Variants in FIBCD1 observed in about 807,000 individuals in gnomAD.
FIBCD1 encodes the protein fibrinogen C domain containing 1.
FIBCD1 carries 47 observed loss-of-function variants against 45.1 expected under a neutral mutation model. The observed-to-expected ratio is 1.04, with a 90% CI of 0.82 to 1.33. The LOEUF (loss-of-function observed/expected upper bound fraction) is 1.33, where lower values mean the gene tolerates loss of function less well. Among genes scored for constraint, FIBCD1 ranks in the 40% most tolerant of loss-of-function variants. The pLI is 0.00. For synonymous variants in FIBCD1, 313 were observed against 308.1 expected, an observed-to-expected ratio of 1.02 and a Z score of -0.17; for missense variants, 653 against 682.2, an observed-to-expected ratio of 0.96 and a Z score of 0.48.
intron 2 of FIBCD1, among the ~76,000 whole-genome samples, chr9:130,925,117 C>G (rs989393999): frequency 2.6e-5 from 4 of 152,164 alleles, no homozygotes; most frequent in African/African-American, 7.2e-5. Context: ...CAAGGCTCCC[C>G]CGTCCCACCC....
At position 130,938,671 on chromosome 9, in the gene FIBCD1, G is replaced by GGTGGGC; in HGVS notation, c.-70_-65dup. 7.9e-6 allele frequency: 9 copies of GGTGGGC among 1,133,252 alleles called. No homozygotes were observed. The highest frequency in any genetic ancestry group is 1.0e-5 in the Non-Finnish European group (9 of 900,524). 70.2% of individuals were successfully genotyped at this position (1,133,252 alleles called of 1,614,324 possible). Reference sequence around the variant, plus strand: ...CCGCTGCGGAGCGCAAAGGAGACGGGGTGGGCGCGGGCGCGGGCGCGGGGC... The same window carrying GGTGGGC: ...CCGCTGCGGAGCGCAAAGGAGACGGGGTGGGCGTGGGCGCGGGCGCGGGCGCGGGGC... On this transcript the variant is annotated 5_prime_UTR_variant, in exon 1 of 7. Transcript: ENST00000372338.
chr9:130,906,173 C>T (rs916091877), intron 5 of FIBCD1, among the ~76,000 whole-genome samples: 2 of 152,132 alleles, frequency 1.3e-5, no homozygotes, highest in African/African-American at 2.4e-5. Flanking sequence ...CTGTCCCCGC[C>T]CCACCTCAAC....
At chr9:130,906,022 G>A (rs965028328) in intron 5 of FIBCD1, among the ~76,000 whole-genome samples, 3 of 152,152 alleles carry the variant, frequency 2.0e-5, no homozygotes, top group Admixed American at 6.5e-5. Flanking sequence ...GTCCGACCTA[G>A]CCACTGCTGA....
intron 6 of FIBCD1, 63 bp downstream of exon 6, chr9:130,905,171 C>A: frequency 6.6e-7 from 1 of 1,504,154 alleles, no homozygotes; most frequent in Non-Finnish European, 9.1e-7. Flanking sequence ...GGCAGGACCT[C>A]CTCCGTCCTC....
intron 5 of FIBCD1, among the ~76,000 whole-genome samples, chr9:130,911,227 C>T (rs1045758546): frequency 6.6e-6 from 1 of 152,120 alleles, no homozygotes; most frequent in Non-Finnish European, 1.5e-5. Flanking sequence ...GGAAGAAACT[C>T]CGAACATATC....
chr9:130,915,359 A>G (rs1418458027), intron 4 of FIBCD1, among the ~76,000 whole-genome samples: 1 of 152,148 alleles, frequency 6.6e-6, no homozygotes, highest in African/African-American at 2.4e-5. Flanking sequence ...CTGAAACCAC[A>G]TACGGCCGGC....
chr9:130,933,108 G>A (rs929632578), intron 1 of FIBCD1, among the ~76,000 whole-genome samples: 1 of 152,236 alleles, frequency 6.6e-6, no homozygotes, highest in Non-Finnish European at 1.5e-5. Context: ...CGAGGAAGCC[G>A]CAGGGGGTCC....
intron 5 of FIBCD1, among the ~76,000 whole-genome samples, chr9:130,907,446 T>A (rs1394102657): frequency 6.6e-6 from 1 of 152,190 alleles, no homozygotes; most frequent in Admixed American, 6.5e-5. Context: ...GGGCCCCTGA[T>A]CCAACTCCTT....
intron 4 of FIBCD1, among the ~76,000 whole-genome samples, chr9:130,917,586 C>T (rs1329180809): frequency 3.3e-5 from 5 of 152,242 alleles, no homozygotes; most frequent in Admixed American, 1.3e-4. Context: ...TTACACTCCG[C>T]AGGTTGCATC....
chr9:130,917,307 T>G (rs555584732), intron 4 of FIBCD1, among the ~76,000 whole-genome samples: 2 of 152,294 alleles, frequency 1.3e-5, no homozygotes, highest in East Asian at 3.9e-4. Flanking sequence ...GAGAGTGTTT[T>G]CTTGGTGCGG....
At chr9:130,927,612 C>T (rs1020178700) in intron 2 of FIBCD1, among the ~76,000 whole-genome samples, 1 of 152,218 alleles carries the variant, frequency 6.6e-6, no homozygotes, top group African/African-American at 2.4e-5. Flanking sequence ...AGGGACTACA[C>T]ATGAGAATCA....
chr9:130,905,499 C>T (rs993200542), intron 5 of FIBCD1, 86 bp from the exon 6 acceptor site: 5 of 1,395,274 alleles, frequency 3.6e-6, no homozygotes, highest in Non-Finnish European at 4.9e-6. Context: ...CAGCTGAGCT[C>T]ATGCAGTTGG....
intron 4 of FIBCD1, among the ~76,000 whole-genome samples, chr9:130,920,396 T>C (rs1385646367): frequency 6.6e-6 from 1 of 152,052 alleles, no homozygotes. Context: ...CTGTGAAGGG[T>C]TCTGACTTGT....
chr9:130,924,317 C>A lies in FIBCD1; in HGVS notation c.632G>T (p.Arg211Leu). The A allele has an allele frequency of 6.2e-7, 1 of 1,606,428 alleles. No individual in the cohort carries two copies. The highest frequency in any genetic ancestry group is 2.2e-5 in the East Asian group (1 of 44,632). Residue 211 changes from arginine (R) to leucine (L), a missense_variant, in exon 3 of 7, where the codon CGG becomes CTG. Physicochemically the swap from Arg to Leu is moderately radical, Grantham distance 102. Transcript: ENST00000372338. ...SDILDALQRDRGLGRPRNKAD... is the reference protein window; with the variant it reads ...SDILDALQRDLGLGRPRNKAD... The stretch of plus-strand genomic sequence containing the variant: ...CTTGTTGCGGGGCCGGCCCAGCCCC[C>A]GGTCCCTCTGCAGGGCATCCAGGAT...
intron 6 of FIBCD1, 123 bp downstream of exon 6, chr9:130,905,111 C>T (rs1831901619): frequency 7.3e-6 from 7 of 954,806 alleles, no homozygotes; most frequent in Admixed American, 3.4e-5. Flanking sequence ...TTTCAAAAAC[C>T]TGATTACTTT....
chr9:130,925,326 T>C (rs1253475965), intron 2 of FIBCD1, among the ~76,000 whole-genome samples: 1 of 152,158 alleles, frequency 6.6e-6, no homozygotes. Context: ...CTCAGGCCAC[T>C]TCCCTAGGGC....
chr9:130,910,006 C>A (rs1007108695), intron 5 of FIBCD1, among the ~76,000 whole-genome samples: 2 of 152,236 alleles, frequency 1.3e-5, no homozygotes, highest in Admixed American at 1.3e-4. Flanking sequence ...TCTGCGTGGG[C>A]TCCCACTTTG....
chr9:130,906,171 G>A (rs528725904), intron 5 of FIBCD1, among the ~76,000 whole-genome samples: 8 of 151,774 alleles, frequency 5.3e-5, no homozygotes, highest in African/African-American at 7.3e-5. Context: ...TGCTGTCCCC[G>A]CCCCACCTCA....
In FIBCD1 at chr9:130,938,555, C is replaced by A; in HGVS notation, c.53G>T (p.Arg18Leu). ...GCGTACCTGCGGCTTGTCGCGCGGCCGGTCCTCAAGTTGGGCAGCGCCGCC... is the reference window on the plus strand; with the variant it reads ...GCGTACCTGCGGCTTGTCGCGCGGCAGGTCCTCAAGTTGGGCAGCGCCGCC... ...TMGGAAQLED[R>L]PRDKPQRPSC... is the part of the protein sequence containing the mutation. Residue 18 changes from arginine to leucine, a missense_variant, in exon 1 of 7, where the codon CGG (arginine) becomes CTG (leucine). By Grantham distance (102) the Arg-to-Leu change is moderately radical (BLOSUM62 -2). Transcript: ENST00000372338. The A allele has an allele frequency of 2.0e-6, 3 of 1,490,620 alleles. No homozygotes were observed. The highest frequency in any genetic ancestry group is 2.7e-6 in the Non-Finnish European group (3 of 1,125,780). 92.3% of individuals were successfully genotyped at this position (1,490,620 alleles called of 1,614,324 possible).
Sources: gnomAD v4.1 joint callset for allele counts (sites outside exome capture counted in the v4.1 genomes callset) on GRCh38, gnomAD v4.1.1 for gene constraint, MANE v1.5 for transcripts, NCBI Gene and HGNC (gene_info 2026-07-23, HGNC 2026-07-21) for gene names.